The following CDH4 variants were observed in gnomAD, a reference collection of about 807,000 sequenced individuals.
The protein encoded by CDH4 is cadherin-4.
Under a neutral mutation model 86.0 loss-of-function variants are expected in CDH4, and 33 were observed. The observed-to-expected ratio is 0.38, with a 90% CI of 0.29 to 0.51. CDH4 has a LOEUF of 0.51. Ranked by LOEUF, CDH4 falls within the 20% of genes least tolerant of loss-of-function variation. The probability of loss-of-function intolerance (pLI) is 0.86; values close to 1 mark genes in which losing one functional copy is unlikely to be tolerated. For missense variants in CDH4, 1,114 were observed against 1,307.4 expected, an observed-to-expected ratio of 0.85 and a Z score of 2.28; for synonymous variants, 555 against 549.4, an observed-to-expected ratio of 1.01 and a Z score of -0.14.
At chr20:61,346,676 G>A (rs6028136) in intron 2 of CDH4, among the ~76,000 whole-genome samples, 29,914 of 151,420 alleles carry the variant, frequency 0.2, 2,949 homozygotes, top group Middle Eastern at 0.35. Context: ...CCCAGGAAGC[G>A]GAGGTTTCAG....
chr20:61,352,283 A>G (rs2084717405), intron 2 of CDH4, among the ~76,000 whole-genome samples: 2 of 152,182 alleles, frequency 1.3e-5, no homozygotes. Flanking sequence ...AATTTAATAT[A>G]TATTGAAATA....
intron 9 of CDH4, among the ~76,000 whole-genome samples, chr20:61,918,225 G>C (rs2054927163): frequency 6.6e-6 from 1 of 152,226 alleles, no homozygotes; most frequent in African/African-American, 2.4e-5. Flanking sequence ...TGAGACCCCT[G>C]GTAGAACCTT....
chr20:61,254,587 C>T (rs2084087121), intron 1 of CDH4, among the ~76,000 whole-genome samples: 1 of 152,206 alleles, frequency 6.6e-6, no homozygotes, highest in Non-Finnish European at 1.5e-5. Flanking sequence ...GTCCTTCACT[C>T]CCTGCCTGCT....
intron 2 of CDH4, among the ~76,000 whole-genome samples, chr20:61,316,354 G>A (rs1030369474): frequency 3.3e-5 from 5 of 152,266 alleles, no homozygotes; most frequent in African/African-American, 9.6e-5. Flanking sequence ...AGACCGCCGC[G>A]CTGACCTAAG....
intron 2 of CDH4, among the ~76,000 whole-genome samples, chr20:61,460,151 G>C (rs1416202326): frequency 6.6e-6 from 1 of 152,160 alleles, no homozygotes; most frequent in Non-Finnish European, 1.5e-5. Context: ...CAAGGAGAAA[G>C]GCTGTTAACA....
chr20:61,677,146 C>T (rs751525760), intron 2 of CDH4, among the ~76,000 whole-genome samples: 7 of 152,164 alleles, frequency 4.6e-5, no homozygotes, highest in Non-Finnish European at 7.4e-5. Flanking sequence ...GTGCAGTATA[C>T]GCAGGAAGAA....
At chr20:61,405,576 A>G (rs1185199823) in intron 2 of CDH4, among the ~76,000 whole-genome samples, 1 of 152,192 alleles carries the variant, frequency 6.6e-6, no homozygotes, top group African/African-American at 2.4e-5. Context: ...GGGAAAATGA[A>G]ATCTGAGGCT....
At chr20:61,553,039 A>T (rs2086146100) in intron 2 of CDH4, among the ~76,000 whole-genome samples, 1 of 152,270 alleles carries the variant, frequency 6.6e-6, no homozygotes, top group Non-Finnish European at 1.5e-5. Flanking sequence ...GAAACAACTC[A>T]AATGTCCATC....
intron 2 of CDH4, among the ~76,000 whole-genome samples, chr20:61,652,520 A>G (rs2087132545): frequency 6.6e-6 from 1 of 152,234 alleles, no homozygotes; most frequent in South Asian, 2.1e-4. Flanking sequence ...CATAAATAAC[A>G]TGGGGATGAA....
intron 2 of CDH4, among the ~76,000 whole-genome samples, chr20:61,547,943 C>A (rs963661954): frequency 3.3e-5 from 5 of 152,294 alleles, no homozygotes; most frequent in African/African-American, 9.6e-5. Context: ...TAGATAACAG[C>A]GTGAAATAAA....
intron 2 of CDH4, among the ~76,000 whole-genome samples, chr20:61,587,014 C>T (rs2086482035): frequency 6.6e-6 from 1 of 152,142 alleles, no homozygotes; most frequent in East Asian, 1.9e-4. Flanking sequence ...TGGGGTGAGC[C>T]GTGCTGAGGA....
At chr20:61,451,689 G>A (rs371997863) in intron 2 of CDH4, among the ~76,000 whole-genome samples, 17 of 152,068 alleles carry the variant, frequency 1.1e-4, no homozygotes, top group Middle Eastern at 3.4e-3. Context: ...GGGCACTAAA[G>A]AGAGGAGAGG....
intron 2 of CDH4, among the ~76,000 whole-genome samples, chr20:61,312,386 G>A (rs1044547218): frequency 2.0e-5 from 3 of 151,742 alleles, no homozygotes; most frequent in African/African-American, 7.3e-5. Context: ...GTGGCATGAT[G>A]TGAGTGGTGT....
rs75045176 is a variant in CDH4, at chr20:61,937,429, T to C, written c.*486T>C. On this transcript the variant is annotated 3_prime_UTR_variant, in exon 16 of 16. Transcript: ENST00000614565. ...GGGAGACTGTGTCTGTCTTTCTTACTTTTTTTTTGGTCTTTTATTAAGAAA... is the reference window on the plus strand; with the variant it reads ...GGGAGACTGTGTCTGTCTTTCTTACCTTTTTTTTGGTCTTTTATTAAGAAA... The C allele has an allele frequency of 0.012, 1,791 of 151,342 alleles. 45 individuals carry two copies. The highest frequency in any genetic ancestry group is 0.041 in the African/African-American group (1,693 of 41,274). The allele number at this position is 151,342 out of a possible 1,614,324, so 9.4% of individuals were successfully genotyped here.
At chr20:61,292,175 C>G (rs1003885547) in intron 2 of CDH4, among the ~76,000 whole-genome samples, 16 of 152,206 alleles carry the variant, frequency 1.1e-4, no homozygotes, top group Non-Finnish European at 2.1e-4. Flanking sequence ...CCTAAAGACA[C>G]ATGCACGCAA....
chr20:61,440,932 G>A (rs1034131863), intron 2 of CDH4, among the ~76,000 whole-genome samples: 5 of 152,212 alleles, frequency 3.3e-5, no homozygotes, highest in African/African-American at 7.2e-5. Flanking sequence ...TCAGCAAATC[G>A]GCAGGCAGAT....
chr20:61,617,312 C>T (rs2086733222), intron 2 of CDH4, among the ~76,000 whole-genome samples: 1 of 152,140 alleles, frequency 6.6e-6, no homozygotes, highest in Admixed American at 6.5e-5. Context: ...CACCTGGGGC[C>T]TGGTGTGGGG....
rs1171656218 is a variant in CDH4 at position 61,296,195 on chromosome 20, TGTGTGTGA to T, written c.169+41260_169+41267del. Among the ~76,000 whole-genome samples the T allele has an allele frequency of 1.1e-4, 17 of 151,360 alleles. No homozygotes were observed. The East Asian group carries it at 3.4e-3, about 30-fold the overall frequency. On this transcript the variant is annotated intron_variant, in intron 2 of 15. Transcript: ENST00000614565. ...AAATAAGTATGAGTGTGTGCGTGTG[TGTGTGTGA>T]GAGAGAGACCTTAGAGTTGTCAAAA...
intron 4 of CDH4, among the ~76,000 whole-genome samples, chr20:61,823,470 A>G (rs926224388): frequency 1.3e-5 from 2 of 152,136 alleles, no homozygotes; most frequent in African/African-American, 4.8e-5. Context: ...TGTCTTGAGC[A>G]CTTCCTATGA....
Sources: gnomAD v4.1 joint callset for allele counts (sites outside exome capture counted in the v4.1 genomes callset) on GRCh38, gnomAD v4.1.1 for gene constraint, MANE v1.5 for transcripts, NCBI Gene and HGNC (gene_info 2026-07-23, HGNC 2026-07-21) for gene names.